The following SPRY2 variants were observed in gnomAD, a reference collection of about 807,000 sequenced individuals.
SPRY2 encodes sprouty RTK signaling antagonist 2.
A neutral mutation model predicts 23.4 loss-of-function variants in SPRY2; 10 were observed. That is an observed-to-expected ratio of 0.43 (90% confidence interval 0.26 to 0.73). SPRY2 has a LOEUF of 0.73. SPRY2 is among the 30% of genes least tolerant of loss of function. The pLI is 0.22. For synonymous variants in SPRY2, 170 were observed against 156.9 expected, an observed-to-expected ratio of 1.08 and a Z score of -0.62; for missense variants, 344 against 396.9, an observed-to-expected ratio of 0.87 and a Z score of 1.13.
chr13:80,339,831 TA>T (rs1037335419), intron 1 of SPRY2, among the ~76,000 whole-genome samples: 94 of 152,194 alleles, frequency 6.2e-4, no homozygotes, highest in African/African-American at 2.2e-3. Context: ...CAAAAGGAAA[TA>T]AAAAATTGCC....
chr13:80,336,815 G>C lies in SPRY2; in HGVS notation c.891C>G (p.Asn297Lys), dbSNP rs1880283708. The C allele has an allele frequency of 6.2e-7, 1 of 1,614,156 alleles. No homozygotes were observed. The highest frequency in any genetic ancestry group is 1.3e-5 in the African/African-American group (1 of 75,048). ...CAGTGGGAACTTTGCAGCAAACTGT[G>C]TTTGAGTTTTTACAGCGGCAACCAG... The part of the protein sequence containing the change: ...NRPGCRCKNS[N>K]TVCCKVPTVP... The change falls in exon 2 of 2, where the codon AAC becomes AAG. Residue 297 changes from asparagine to lysine, a missense_variant. Coordinates refer to ENST00000377104, the MANE Select transcript of SPRY2 (RefSeq NM_005842.4).
At position 80,336,445 on chromosome 13, in the gene SPRY2, C is replaced by A; in HGVS notation, c.*313G>T. On this transcript the variant is annotated 3_prime_UTR_variant, in exon 2 of 2. Transcript: ENST00000377104. ...GGAGAAAACAATGGAAAAAAGTCAT[C>A]TGCTAATTTACAAGTTTTGCAAGTA... is the stretch of plus-strand genomic sequence containing the variant. The A allele has an allele frequency of 2.5e-6, 1 of 404,064 alleles. No individual in the cohort carries two copies. The highest frequency in any genetic ancestry group is 2.6e-5 in the South Asian group (1 of 38,500). 25.0% of individuals were successfully genotyped at this position (404,064 alleles called of 1,614,324 possible). A position where few individuals can be genotyped will look rare whatever the true frequency, so the allele number is the denominator to read the frequency against.
rs776268097 is a variant in SPRY2, at chr13:80,336,934, C to T, written c.772G>A (p.Val258Ile). ...HCCTRWSAMG[V>I]MSLFLPCLWC... Reference sequence around the variant, plus strand: ...AAACAAGGCAAAAAGAGGGACATGACACCCATGGCTGACCATCGTGTACAA... The same window carrying T: ...AAACAAGGCAAAAAGAGGGACATGATACCCATGGCTGACCATCGTGTACAA... Residue 258 changes from valine to isoleucine, a missense_variant, in exon 2 of 2, where the codon GTC becomes ATC. Coordinates refer to ENST00000377104, the MANE Select transcript of SPRY2 (RefSeq NM_005842.4). 6.2e-7 allele frequency: 1 copy of T among 1,614,214 alleles called. No homozygotes were observed. The highest frequency in any genetic ancestry group is 1.1e-5 in the South Asian group (1 of 91,078).
chr13:80,338,672 C>T (rs1880383700), intron 1 of SPRY2: 1 of 152,142 alleles, frequency 6.6e-6, no homozygotes, highest in Admixed American at 6.5e-5. Flanking sequence ...AATTTCAAAA[C>T]GATCACCCCC....
Position 80,336,898 on chromosome 13 carries a change from G to A in SPRY2, c.808C>T (p.Leu270Phe). 6.2e-7 allele frequency: 1 copy of A among 1,614,086 alleles called. No individual in the cohort carries two copies. The highest frequency in any genetic ancestry group is 2.2e-5 in the East Asian group (1 of 44,862). ...SLFLPCLWCY[L>F]PAKGCLKLCQ... ...AATTTAAGGCAACCCTTGGCTGGAA[G>A]GTAACACCATAAACAAGGCAAAAAG... Residue 270 changes from leucine (L) to phenylalanine (F), a missense_variant, in exon 2 of 2, where the codon CTT becomes TTT. By Grantham distance (22) the Leu-to-Phe change is conservative. Coordinates refer to ENST00000377104, the MANE Select transcript of SPRY2 (RefSeq NM_005842.4).
In SPRY2 at chr13:80,336,915, G is replaced by A; in HGVS notation, c.791C>T (p.Pro264Leu). ...GGCTGGAAGGTAACACCATAAACAA[G>A]GCAAAAAGAGGGACATGACACCCAT... is the stretch of plus-strand genomic sequence containing the variant. Reference protein sequence around the residue: ...SAMGVMSLFLPCLWCYLPAKG... With the variant: ...SAMGVMSLFLLCLWCYLPAKG... The change falls in exon 2 of 2, where the codon CCT (proline) becomes CTT (leucine). Residue 264 changes from proline (P) to leucine (L), a missense_variant. Physicochemically the swap from Pro to Leu is moderately conservative, Grantham distance 98. Transcript: ENST00000377104. 6.2e-7 allele frequency: 1 copy of A among 1,614,102 alleles called. No individual in the cohort carries two copies. The highest frequency in any genetic ancestry group is 8.5e-7 in the Non-Finnish European group (1 of 1,180,028).
At chr13:80,340,396 T>A (rs1241331293) in intron 1 of SPRY2, among the ~76,000 whole-genome samples, 1 of 152,186 alleles carries the variant, frequency 6.6e-6, no homozygotes, top group Non-Finnish European at 1.5e-5. Flanking sequence ...TCGGGGACAC[T>A]GCACGGGGTG....
Position 80,336,849 on chromosome 13 carries a change from A to G in SPRY2, c.857T>C (p.Val286Ala). The change falls in exon 2 of 2, where the codon GTT (valine) becomes GCT (alanine). Residue 286 changes from valine to alanine, a missense_variant. Val to Ala is a moderately conservative substitution (Grantham distance 64, BLOSUM62 0). Coordinates refer to ENST00000377104, the MANE Select transcript of SPRY2 (RefSeq NM_005842.4). ...TTTACAGCGGCAACCAGGCCTGTTAACCCGGTCATAACACCCCTGGCACAA... is the reference window on the plus strand; with the variant it reads ...TTTACAGCGGCAACCAGGCCTGTTAGCCCGGTCATAACACCCCTGGCACAA... ...LKLCQGCYDR[V>A]NRPGCRCKNS... is the part of the protein sequence containing the mutation. The G allele has an allele frequency of 6.2e-7, 1 of 1,614,134 alleles. No homozygotes were observed. The highest frequency in any genetic ancestry group is 8.5e-7 in the Non-Finnish European group (1 of 1,180,028).
In SPRY2 at chr13:80,337,062, T is replaced by C. The variant is rs755298994; in HGVS notation, c.644A>G (p.Tyr215Cys). The C allele has an allele frequency of 7.4e-6, 12 of 1,614,088 alleles. 1 individual carries two copies. In the South Asian group the frequency reaches 7.7e-5, roughly 10 times the overall value. The change falls in exon 2 of 2, where the codon TAT becomes TGT. Residue 215 changes from tyrosine to cysteine, a missense_variant. Coordinates refer to ENST00000377104, the MANE Select transcript of SPRY2 (RefSeq NM_005842.4). ...TTTCACACAGCATACACAAGTCCCA[T>C]AGTCAATCACGTTCTGGGCCGAGCA... Reference protein sequence around the residue: ...CLCSAQNVIDYGTCVCCVKGL... With the variant: ...CLCSAQNVIDCGTCVCCVKGL...
In SPRY2 at chr13:80,341,021, G is replaced by GCGGGCCGGGC. The variant is rs1056303981; in HGVS notation, c.-461_-452dup. On this transcript the variant is annotated 5_prime_UTR_variant, in exon 1 of 2. Transcript: ENST00000377104. The stretch of plus-strand genomic sequence containing the variant: ...GTCGTAGCGGAGGCGGCGCGGGGGC[G>GCGGGCCGGGC]CGGGCCGGGCCGGGCCGGGCGGGCG... 7.4e-5 allele frequency: 11 copies of GCGGGCCGGGC among 148,514 alleles called. No individual in the cohort carries two copies. The highest frequency in any genetic ancestry group is 2.0e-4 in the East Asian group (1 of 5,102). The allele number at this position is 148,514 out of a possible 1,614,324, so 9.2% of individuals were successfully genotyped here.
At chr13:80,338,012 C>T (rs890722670) in intron 1 of SPRY2, among the ~76,000 whole-genome samples, 1 of 152,138 alleles carries the variant, frequency 6.6e-6, no homozygotes, top group African/African-American at 2.4e-5. Flanking sequence ...AGTAAGAATT[C>T]CTTATTCAAA....
In SPRY2 at chr13:80,336,821, G is replaced by A; in HGVS notation, c.885C>T (p.Asn295=). 6.2e-7 allele frequency: 1 copy of A among 1,614,146 alleles called. No individual in the cohort carries two copies. The highest frequency in any genetic ancestry group is 1.1e-5 in the South Asian group (1 of 91,080). The change falls in exon 2 of 2, where the codon AAC becomes AAT. Residue 295 remains asparagine, a synonymous_variant. Coordinates refer to ENST00000377104, the MANE Select transcript of SPRY2 (RefSeq NM_005842.4). ...RVNRPGCRCK[N]SNTVCCKVPT... The stretch of plus-strand genomic sequence containing the variant: ...GAACTTTGCAGCAAACTGTGTTTGA[G>A]TTTTTACAGCGGCAACCAGGCCTGT...
At position 80,337,414 on chromosome 13, in the gene SPRY2, G is replaced by GC. The variant is rs776530584; in HGVS notation, c.291dup (p.Gln98AlafsTer35). ...GGGGCTCGTGCAGAAGAATGGACCT[G>GC]CGAGTGCTGGAGCCTAGGAGGCTGG... is the stretch of plus-strand genomic sequence containing the variant. On this transcript the variant is annotated frameshift_variant, in exon 2 of 2. Coordinates refer to ENST00000377104, the MANE Select transcript of SPRY2 (RefSeq NM_005842.4). LOFTEE classifies it high-confidence loss of function. 6.2e-7 allele frequency: 1 copy of GC among 1,614,184 alleles called. No homozygotes were observed. The highest frequency in any genetic ancestry group is 1.3e-5 in the African/African-American group (1 of 75,064).
chr13:80,340,373 G>T (rs922941924), intron 1 of SPRY2, among the ~76,000 whole-genome samples: 7 of 152,238 alleles, frequency 4.6e-5, no homozygotes, highest in African/African-American at 1.7e-4. Flanking sequence ...GCGCGGGCGC[G>T]CGGGGTCGCC....
rs1417412695 is a variant in SPRY2, at chr13:80,336,145, T to C, written c.*613A>G. On this transcript the variant is annotated 3_prime_UTR_variant, in exon 2 of 2. Transcript: ENST00000377104. ...AATAAAACTTCAAATAAATATTCTT[T>C]ACACTAAACAATATGTTGAAAAAAT... The C allele has an allele frequency of 6.6e-6, 1 of 152,448 alleles. No homozygotes were observed. The highest frequency in any genetic ancestry group is 1.5e-5 in the Non-Finnish European group (1 of 68,214). The allele number at this position is 152,448 out of a possible 1,614,324, so 9.4% of individuals were successfully genotyped here.
chr13:80,336,789 A>G lies in SPRY2; in HGVS notation c.917T>C (p.Val306Ala). Residue 306 changes from valine to alanine, a missense_variant, in exon 2 of 2, where the codon GTC becomes GCC. By Grantham distance (64) the Val-to-Ala change is moderately conservative. Transcript: ENST00000377104. The stretch of plus-strand genomic sequence containing the variant: ...TGGTTTTTCAAAGTTCCTAGGGGGG[A>G]CAGTGGGAACTTTGCAGCAAACTGT... ...SNTVCCKVPT[V>A]PPRNFEKPT 1 of 1,613,978 alleles carries G rather than the reference A, an allele frequency of 6.2e-7. No individual in the cohort carries two copies. Among genetic ancestry groups the G allele is most frequent in the Non-Finnish European group, 8.5e-7 (1 of 1,180,002 alleles).
Position 80,340,944 on chromosome 13 carries a change from G to A in SPRY2, c.-374C>T, listed in dbSNP as rs1880491450. ...AGATGAGCGAATGGGAAAAGAAAAC[G>A]GCCTTACGGAGAACCTAAAGCCAGA... On this transcript the variant is annotated 5_prime_UTR_variant, in exon 1 of 2. Transcript: ENST00000377104. The A allele has an allele frequency of 6.6e-6, 1 of 151,966 alleles. No homozygotes were observed. The highest frequency in any genetic ancestry group is 2.4e-5 in the African/African-American group (1 of 41,400). The allele number at this position is 151,966 out of a possible 1,614,324, so 9.4% of individuals were successfully genotyped here. A position where few individuals can be genotyped will look rare whatever the true frequency, so the allele number is the denominator to read the frequency against.
chr13:80,337,434 G>T lies in SPRY2; in HGVS notation c.272C>A (p.Pro91His). 6.2e-7 allele frequency: 1 copy of T among 1,614,172 alleles called. No homozygotes were observed. The highest frequency in any genetic ancestry group is 1.3e-5 in the African/African-American group (1 of 75,056). The part of the protein sequence containing the change: ...RLHGLPEHRQ[P>H]PRLQHSQVHS... The stretch of plus-strand genomic sequence containing the variant: ...GACCTGCGAGTGCTGGAGCCTAGGA[G>T]GCTGGCGGTGCTCAGGCAGACCGTG... The change falls in exon 2 of 2, where the codon CCT (proline) becomes CAT (histidine). Residue 91 changes from proline to histidine, a missense_variant. Physicochemically the swap from Pro to His is moderately conservative, Grantham distance 77. Coordinates refer to ENST00000377104, the MANE Select transcript of SPRY2 (RefSeq NM_005842.4).
In SPRY2 at chr13:80,337,632, C is replaced by T. The variant is rs757245505; in HGVS notation, c.74G>A (p.Arg25His). Residue 25 changes from arginine (R) to histidine (H), a missense_variant, in exon 2 of 2, where the codon CGT becomes CAT. Coordinates refer to ENST00000377104, the MANE Select transcript of SPRY2 (RefSeq NM_005842.4). The stretch of plus-strand genomic sequence containing the variant: ...GGCGTCTCTGGGGTCGGGCTCCCCA[C>T]GCTGTCTGCCACCGTCACGGGGCGT... Reference protein sequence around the residue: ...LQTPRDGGRQRGEPDPRDALT... With the variant: ...LQTPRDGGRQHGEPDPRDALT... 4 of 1,613,916 alleles carry T rather than the reference C, an allele frequency of 2.5e-6. No individual in the cohort carries two copies. In the African/African-American group the frequency reaches 5.3e-5, roughly 22 times the overall value.
Sources: allele counts gnomAD v4.1 joint callset (sites outside exome capture counted in the v4.1 genomes callset), GRCh38; gene constraint gnomAD v4.1.1; transcripts MANE v1.5; gene names NCBI Gene and HGNC (gene_info 2026-07-23, HGNC 2026-07-21).